The following FAAH2 variants were observed in gnomAD, a reference collection of about 807,000 sequenced individuals.
FAAH2 encodes fatty-acid amide hydrolase 2.
FAAH2 carries 60 observed loss-of-function variants against 36.9 expected under a neutral mutation model. The ratio of observed to expected loss-of-function variants is 1.63; its 90% confidence interval spans 1.32 to 2.02. The LOEUF is 2.02. FAAH2 is among the 30% of genes most tolerant of loss of function. The pLI is 0.00. For synonymous variants in FAAH2, 214 were observed against 143.8 expected, an observed-to-expected ratio of 1.49 and a Z score of -3.49; for missense variants, 689 against 397.5, an observed-to-expected ratio of 1.73 and a Z score of -6.23.
chrX:57,241,939 G>C, the FAAH2 span, among the ~76,000 whole-genome samples: 2 of 111,290 alleles, frequency 1.8e-5, no homozygotes, highest in Non-Finnish European at 3.8e-5. Context: ...AACAGCCCCA[G>C]TCAGAGGCTT....
At chrX:57,258,406 C>A in the FAAH2 span, among the ~76,000 whole-genome samples, 1 of 110,160 alleles carries the variant, frequency 9.1e-6, no homozygotes, top group Admixed American at 9.7e-5. Context: ...TAAGCTAACC[C>A]CCAAAGCAAA....
In FAAH2 at chrX:57,419,686, G is replaced by A. The variant is rs1226512126; in HGVS notation, c.997-12232G>A. On this transcript the variant is annotated intron_variant, in intron 7 of 10. Transcript: ENST00000374900. ...TGTAGGTTGCCTGTTCACTCTGATG[G>A]TAGTTTCTTTTGCTGTGCAGAAGCT... is the stretch of plus-strand genomic sequence containing the variant. Among the ~76,000 whole-genome samples the A allele has an allele frequency of 8.0e-5, 9 of 111,865 alleles. No homozygotes were observed. The East Asian group carries it at 1.4e-3, about 17-fold the overall frequency.
chrX:57,364,966 T>C (rs2054377900), intron 5 of FAAH2, among the ~76,000 whole-genome samples: 1 of 111,815 alleles, frequency 8.9e-6, no homozygotes, highest in Non-Finnish European at 1.9e-5. Flanking sequence ...TGTTTTATGG[T>C]GGAGCATATG....
At chrX:57,144,979 C>G in the FAAH2 span, among the ~76,000 whole-genome samples, 1 of 110,824 alleles carries the variant, frequency 9.0e-6, no homozygotes, top group Non-Finnish European at 1.9e-5. Flanking sequence ...GATTGATGAA[C>G]ATTTGGGCTG....
At chrX:57,451,204 G>T (rs1166699353) in intron 10 of FAAH2, among the ~76,000 whole-genome samples, 2 of 111,490 alleles carry the variant, frequency 1.8e-5, no homozygotes, top group East Asian at 5.6e-4. Flanking sequence ...GCTGAACAGG[G>T]TCTCTCAGCT....
At chrX:57,368,054 A>G (rs1193152483) in intron 5 of FAAH2, among the ~76,000 whole-genome samples, 1 of 111,061 alleles carries the variant, frequency 9.0e-6, no homozygotes, top group Non-Finnish European at 1.9e-5. Context: ...CTAGTAGTAC[A>G]CCATTACTCA....
chrX:57,264,976 A>G, the FAAH2 span, among the ~76,000 whole-genome samples: 3 of 112,137 alleles, frequency 2.7e-5, no homozygotes, highest in South Asian at 1.1e-3. Context: ...TGGAGAACAG[A>G]GAAAAGCAAG....
the FAAH2 span, among the ~76,000 whole-genome samples, chrX:57,143,849 G>T: frequency 9.0e-6 from 1 of 111,644 alleles, no homozygotes; most frequent in East Asian, 2.8e-4. Flanking sequence ...TACAAGTACA[G>T]TACTATAATA....
At chrX:57,324,045 A>G (rs1300852562) in intron 3 of FAAH2, among the ~76,000 whole-genome samples, 1 of 111,981 alleles carries the variant, frequency 8.9e-6, no homozygotes, top group Admixed American at 9.5e-5. Context: ...ATCCAGTTTC[A>G]GCTTTCTGCT....
At chrX:57,417,159 T>C (rs755770998) in intron 7 of FAAH2, among the ~76,000 whole-genome samples, 1 of 111,953 alleles carries the variant, frequency 8.9e-6, no homozygotes, top group African/African-American at 3.2e-5. Flanking sequence ...TTTTTTTGCA[T>C]TGGGTTAGAA....
the FAAH2 span, among the ~76,000 whole-genome samples, chrX:57,195,766 A>G: frequency 8.9e-6 from 1 of 112,260 alleles, no homozygotes; most frequent in Non-Finnish European, 1.9e-5. Context: ...ATCCATGTTT[A>G]GTTGACATTT....
the FAAH2 span, among the ~76,000 whole-genome samples, chrX:57,155,270 G>C: frequency 9.0e-6 from 1 of 111,623 alleles, no homozygotes; most frequent in Non-Finnish European, 1.9e-5. Flanking sequence ...AGGTGGGTAG[G>C]GAAGGACCAT....
At chrX:57,367,357 C>T (rs1211705555) in intron 5 of FAAH2, among the ~76,000 whole-genome samples, 2 of 111,965 alleles carry the variant, frequency 1.8e-5, no homozygotes, top group African/African-American at 3.2e-5. Flanking sequence ...AGTGGCTGCA[C>T]CTTAGCATGA....
the FAAH2 span, among the ~76,000 whole-genome samples, chrX:57,215,783 G>A: frequency 1.8e-5 from 2 of 108,803 alleles, no homozygotes; most frequent in South Asian, 8.3e-4. Flanking sequence ...CATGGACACA[G>A]AGAGGGGCAC....
chrX:57,261,081 G>A, the FAAH2 span, among the ~76,000 whole-genome samples: 2 of 111,575 alleles, frequency 1.8e-5, no homozygotes, highest in African/African-American at 6.5e-5. Context: ...ACAAAGACTT[G>A]TATTAAATAA....
At chrX:57,379,568 C>CGT (rs2054784715) in intron 6 of FAAH2, among the ~76,000 whole-genome samples, 3 of 107,559 alleles carry the variant, frequency 2.8e-5, no homozygotes, top group East Asian at 3.0e-4. Flanking sequence ...CACACACACA[C>CGT]GTGTGCGCAC....
intron 5 of FAAH2, 116 bp downstream of exon 5, chrX:57,341,506 G>A: frequency 1.1e-6 from 1 of 881,285 alleles, no homozygotes; most frequent in Admixed American, 3.6e-5. Flanking sequence ...ATTTCTCAAT[G>A]TTCTTAAATA....
At position 57,330,477 on chromosome X, in the gene FAAH2, T is replaced by C. The variant is rs773817393; in HGVS notation, c.413-1121T>C. Among the ~76,000 whole-genome samples, 4 of 111,677 alleles carry C rather than the reference T, an allele frequency of 3.6e-5. No individual in the cohort carries two copies. In the East Asian group the frequency reaches 8.5e-4, roughly 24 times the overall value. ...ATCAATGGCAATGGTGCCCGAAACT[T>C]CATTAGCAATTTTAATTTTGCCCCG... On this transcript the variant is annotated intron_variant, in intron 3 of 10. Transcript: ENST00000374900.
chrX:57,327,514 T>C (rs1176382572), intron 3 of FAAH2, among the ~76,000 whole-genome samples: 1 of 109,631 alleles, frequency 9.1e-6, no homozygotes. Context: ...CATAGTCCCA[T>C]ATTTCTTGGA....
Sources: allele counts gnomAD v4.1 joint callset (sites outside exome capture counted in the v4.1 genomes callset), GRCh38; gene constraint gnomAD v4.1.1; transcripts MANE v1.5; gene names NCBI Gene and HGNC (gene_info 2026-07-23, HGNC 2026-07-21).